Variants in RERE observed in about 807,000 individuals in gnomAD.
RERE encodes the protein arginine-glutamic acid dipeptide repeats protein.
In RERE, 40 loss-of-function variants were observed where a neutral mutation model predicts 146.1. The ratio of observed to expected loss-of-function variants is 0.27; its 90% CI spans 0.21 to 0.36. The LOEUF (loss-of-function observed/expected upper bound fraction) is 0.36, where lower values mean the gene tolerates loss of function less well. RERE is among the 10% of genes least tolerant of loss of function. The pLI, the probability that RERE is intolerant of heterozygous loss-of-function variation, is 1.00. For synonymous variants in RERE, 1,003 were observed against 866.0 expected, an observed-to-expected ratio of 1.16 and a Z score of -2.78; for missense variants, 1,933 against 2,138.7, an observed-to-expected ratio of 0.90 and a Z score of 1.90.
At chr1:8,438,280 G>C (rs1644198413) in intron 11 of RERE, among the ~76,000 whole-genome samples, 1 of 152,026 alleles carries the variant, frequency 6.6e-6, no homozygotes, top group Admixed American at 6.5e-5. Context: ...ATGAGCCACT[G>C]TGCCCAGCCA....
intron 1 of RERE, among the ~76,000 whole-genome samples, chr1:8,760,891 C>G (rs1261897769): frequency 6.6e-6 from 1 of 152,176 alleles, no homozygotes; most frequent in Admixed American, 6.5e-5. Flanking sequence ...TTCTTATGTT[C>G]CATGTGCCAG....
chr1:8,477,744 C>G (rs1454883792), intron 10 of RERE, among the ~76,000 whole-genome samples: 1 of 152,216 alleles, frequency 6.6e-6, no homozygotes, highest in Non-Finnish European at 1.5e-5. Flanking sequence ...ACAGAAATAA[C>G]TGCCCCCAAT....
chr1:8,443,459 G>GAAAAAAAAAAAA (rs144499944), intron 11 of RERE, among the ~76,000 whole-genome samples: 11 of 112,748 alleles, frequency 9.8e-5, no homozygotes, highest in Middle Eastern at 4.5e-3. Context: ...CTCAAAAAAA[G>GAAAAAAAAAAAA]AAAAAAAAAA....
At position 8,354,994 on chromosome 1, in the gene RERE, T is replaced by C. The variant is rs1236830269; in HGVS notation, c.*93A>G. 4.0e-6 allele frequency: 4 copies of C among 996,804 alleles called. No homozygotes were observed. The highest frequency in any genetic ancestry group is 2.5e-5 in the East Asian group (1 of 40,532). 61.7% of individuals were successfully genotyped at this position (996,804 alleles called of 1,614,324 possible). A position where few individuals can be genotyped will look rare whatever the true frequency, so the allele number is the denominator to read the frequency against. On this transcript the variant is annotated 3_prime_UTR_variant, in exon 23 of 23. Transcript: ENST00000400908. ...ATAAAGAAATCTTTAGAAGATATTCTTTTTGCTTTTGCAGCTCCTATTTTA... is the reference window on the plus strand; with the variant it reads ...ATAAAGAAATCTTTAGAAGATATTCCTTTTGCTTTTGCAGCTCCTATTTTA...
At position 8,360,792 on chromosome 1, in the gene RERE, T is replaced by C; in HGVS notation, c.2715A>G (p.Ser905=). The change falls in exon 18 of 23, where the codon TCA becomes TCG. Residue 905 remains serine (S), a synonymous_variant. Transcript: ENST00000400908. ...HTSLQLPASQ[S]ALQSQQPPRE... ...GTGGAGGCTGTTGGGACTGCAGCGCTGACTGAGAGGCTGGCAGCTGCAGGG... is the reference window on the plus strand; with the variant it reads ...GTGGAGGCTGTTGGGACTGCAGCGCCGACTGAGAGGCTGGCAGCTGCAGGG... The C allele has an allele frequency of 6.3e-7, 1 of 1,586,776 alleles. No homozygotes were observed. The highest frequency in any genetic ancestry group is 8.5e-7 in the Non-Finnish European group (1 of 1,171,826).
chr1:8,362,574 T>C, intron 16 of RERE, 109 bp downstream of exon 16: 1 of 1,399,406 alleles, frequency 7.1e-7, no homozygotes, highest in Admixed American at 1.9e-5. Flanking sequence ...ACAGGCTCCA[T>C]GAATGAGCTG....
At chr1:8,802,523 T>C (rs1641608369) in intron 1 of RERE, among the ~76,000 whole-genome samples, 1 of 152,204 alleles carries the variant, frequency 6.6e-6, no homozygotes, top group Admixed American at 6.5e-5. Context: ...ACTTATCACA[T>C]GTCCAAATCC....
intron 1 of RERE, among the ~76,000 whole-genome samples, chr1:8,789,222 G>T (rs1419104414): frequency 7.1e-6 from 1 of 140,814 alleles, no homozygotes; most frequent in Non-Finnish European, 1.5e-5. Flanking sequence ...ATGGGGGAGG[G>T]TTGCTTGATC....
At chr1:8,420,893 T>C (rs770806741) in intron 12 of RERE, among the ~76,000 whole-genome samples, 1 of 152,150 alleles carries the variant, frequency 6.6e-6, no homozygotes, top group Non-Finnish European at 1.5e-5. Context: ...GAAAAAAGGC[T>C]ATTTATTTAC....
At chr1:8,518,123 A>G (rs1645445191) in intron 7 of RERE, among the ~76,000 whole-genome samples, 1 of 152,228 alleles carries the variant, frequency 6.6e-6, no homozygotes, top group African/African-American at 2.4e-5. Flanking sequence ...AAAGATCTCT[A>G]TGTGATCACG....
At chr1:8,711,826 A>T (rs993131450) in intron 1 of RERE, among the ~76,000 whole-genome samples, 2 of 152,228 alleles carry the variant, frequency 1.3e-5, no homozygotes, top group Non-Finnish European at 2.9e-5. Context: ...AGATAATTGT[A>T]TGACTTATTA....
At chr1:8,563,025 G>A (rs150490100) in intron 4 of RERE, among the ~76,000 whole-genome samples, 402 of 152,230 alleles carry the variant, frequency 2.6e-3, no homozygotes, top group African/African-American at 7.1e-3. Context: ...ACAAGCGGTA[G>A]ACTAGGGGAA....
chr1:8,531,160 G>A (rs1345942856), intron 7 of RERE, among the ~76,000 whole-genome samples: 1 of 151,894 alleles, frequency 6.6e-6, no homozygotes, highest in African/African-American at 2.4e-5. Context: ...TTACCTATTA[G>A]CTTTAACAAT....
intron 1 of RERE, among the ~76,000 whole-genome samples, chr1:8,805,001 GTTTTTGGTTTTT>G (rs1641658570): frequency 1.9e-5 from 2 of 102,732 alleles, no homozygotes; most frequent in African/African-American, 7.4e-5. Flanking sequence ...GTTTTGTTTT[GTTTTTGGTTTTT>G]TTTTTTTTTT....
At chr1:8,591,114 C>T (rs1646487230) in intron 4 of RERE, among the ~76,000 whole-genome samples, 2 of 152,162 alleles carry the variant, frequency 1.3e-5, no homozygotes, top group Non-Finnish European at 2.9e-5. Context: ...GAAGAGAAGG[C>T]TGCAAGAGAT....
intron 1 of RERE, among the ~76,000 whole-genome samples, chr1:8,752,099 G>A (rs1237320118): frequency 6.6e-6 from 1 of 151,908 alleles, no homozygotes; most frequent in Non-Finnish European, 1.5e-5. Flanking sequence ...TTTACAGACA[G>A]CAAAAAGACA....
chr1:8,447,153 A>G (rs766224544), intron 11 of RERE, among the ~76,000 whole-genome samples: 23 of 149,502 alleles, frequency 1.5e-4, no homozygotes, highest in Non-Finnish European at 3.1e-4. Context: ...CAGATCATTT[A>G]TGTTCTTCTC....
chr1:8,506,541 T>A (rs1645252196), intron 8 of RERE, among the ~76,000 whole-genome samples: 2 of 152,198 alleles, frequency 1.3e-5, no homozygotes, highest in Admixed American at 6.5e-5. Context: ...ACGACTGAAA[T>A]CTCTATGCAC....
chr1:8,359,664 CGA>C, intron 19 of RERE, 98 bp downstream of exon 19: 2 of 1,324,438 alleles, frequency 1.5e-6, no homozygotes, highest in Non-Finnish European at 2.1e-6. Context: ...GCCAGGAGGC[CGA>C]GTCAGGCAGC....
Sources: gnomAD v4.1 joint callset for allele counts (sites outside exome capture counted in the v4.1 genomes callset) on GRCh38, gnomAD v4.1.1 for gene constraint, MANE v1.5 for transcripts, NCBI Gene and HGNC (gene_info 2026-07-23, HGNC 2026-07-21) for gene names.